The following LMX1B variants were observed in gnomAD, a reference collection of about 807,000 sequenced individuals.
LMX1B encodes LIM homeobox transcription factor 1-beta.
A neutral mutation model predicts 51.4 loss-of-function variants in LMX1B; 12 were observed. The observed-to-expected ratio is 0.23, with a 90% confidence interval of 0.15 to 0.38. The LOEUF (loss-of-function observed/expected upper bound fraction) is 0.38. LMX1B is among the 10% of genes least tolerant of loss of function. The pLI is 1.00. For synonymous variants in LMX1B, 237 were observed against 235.4 expected, an observed-to-expected ratio of 1.01 and a Z score of -0.06; for missense variants, 445 against 571.1, an observed-to-expected ratio of 0.78 and a Z score of 2.25.
chr9:126,659,488 C>G (rs1432300768), intron 2 of LMX1B, among the ~76,000 whole-genome samples: 1 of 152,276 alleles, frequency 6.6e-6, no homozygotes, highest in Non-Finnish European at 1.5e-5. Flanking sequence ...TCCAGCCTCT[C>G]CACACATTCT....
At chr9:126,664,313 A>T (rs1836299737) in intron 2 of LMX1B, among the ~76,000 whole-genome samples, 1 of 152,110 alleles carries the variant, frequency 6.6e-6, no homozygotes, top group Non-Finnish European at 1.5e-5. Flanking sequence ...TTTCGCCTGC[A>T]TAACTTGGAG....
intron 2 of LMX1B, among the ~76,000 whole-genome samples, chr9:126,682,889 T>C (rs1836700902): frequency 8.5e-6 from 1 of 117,642 alleles, no homozygotes; most frequent in Non-Finnish European, 1.8e-5. Context: ...AGAGGCACTC[T>C]GTCTGAAAAA....
chr9:126,685,915 G>A (rs1210834421), intron 2 of LMX1B, among the ~76,000 whole-genome samples: 1 of 152,106 alleles, frequency 6.6e-6, no homozygotes, highest in Non-Finnish European at 1.5e-5. Context: ...ATAGGGCTGG[G>A]ATTCCAAGCC....
chr9:126,621,618 C>T (rs1471626426), intron 2 of LMX1B, among the ~76,000 whole-genome samples: 1 of 149,354 alleles, frequency 6.7e-6, no homozygotes. Context: ...GATTTGGTTC[C>T]CCGGTGGCCT....
At chr9:126,684,746 AC>A (rs150447700) in intron 2 of LMX1B, among the ~76,000 whole-genome samples, 1 of 151,728 alleles carries the variant, frequency 6.6e-6, no homozygotes. Context: ...CAAACATGGT[AC>A]CCCCCGTGGT....
At chr9:126,617,474 A>G (rs1224602106) in intron 2 of LMX1B, among the ~76,000 whole-genome samples, 1 of 150,968 alleles carries the variant, frequency 6.6e-6, no homozygotes, top group African/African-American at 2.4e-5. Flanking sequence ...CCCCATAATT[A>G]TTTACGGAGC....
chr9:126,680,640 G>A (rs1371598751), intron 2 of LMX1B, among the ~76,000 whole-genome samples: 2 of 152,170 alleles, frequency 1.3e-5, no homozygotes, highest in African/African-American at 2.4e-5. Context: ...GAGCAGGTGG[G>A]AGGAGGAGGT....
intron 2 of LMX1B, among the ~76,000 whole-genome samples, chr9:126,628,741 T>C (rs1835578622): frequency 6.6e-6 from 1 of 152,192 alleles, no homozygotes; most frequent in Admixed American, 6.5e-5. Flanking sequence ...TGTTTTTCTT[T>C]TCCAGGAGAT....
Position 126,615,261 on chromosome 9 carries a change from G to A in LMX1B, c.140-122G>A. 2 of 528,724 alleles carry A rather than the reference G, an allele frequency of 3.8e-6. No individual in the cohort carries two copies. Among genetic ancestry groups the A allele is most frequent in the Non-Finnish European group, 5.3e-6 (2 of 374,170 alleles). The allele number at this position is 528,724 out of a possible 1,614,324, so 32.8% of individuals were successfully genotyped here. A position where few individuals can be genotyped will look rare whatever the true frequency, so the allele number is the denominator to read the frequency against. ...CGCGGCGGTCCGGGGAGCGCAGGCG[G>A]CAGGCGGTGATCCCGGGCGGCCCGA... On this transcript the variant is annotated intron_variant, in intron 1 of 7. Coordinates refer to ENST00000373474, the MANE Select transcript of LMX1B (RefSeq NM_001174147.2). This position sits in a 1 kb window ranked among gnomAD's most constrained non-coding sequence, Gnocchi z 6.0.
chr9:126,629,020 T>C (rs1835586050), intron 2 of LMX1B, among the ~76,000 whole-genome samples: 2 of 151,982 alleles, frequency 1.3e-5, no homozygotes, highest in Non-Finnish European at 2.9e-5. Context: ...GGGGTTCCCC[T>C]TTCTATAGCA....
At chr9:126,661,127 C>G (rs1836234263) in intron 2 of LMX1B, among the ~76,000 whole-genome samples, 1 of 152,194 alleles carries the variant, frequency 6.6e-6, no homozygotes, top group Admixed American at 6.5e-5. Flanking sequence ...GTAGACACGC[C>G]CATACACAGG....
intron 2 of LMX1B, among the ~76,000 whole-genome samples, chr9:126,651,297 T>TTG (rs1554724744): frequency 1.9e-5 from 2 of 107,938 alleles, no homozygotes; most frequent in South Asian, 7.3e-4. Flanking sequence ...AAGGAGGGAC[T>TTG]GGGGGGGGTG....
At position 126,673,275 on chromosome 9, in the gene LMX1B, C is replaced by A. The variant is rs1484039354; in HGVS notation, c.327-17561C>A. ...ACCTAGGGAAAGGGCATTGAGGGGACCTGTCAGAGTGAATGGGGAGCCACC... is the reference window on the plus strand; with the variant it reads ...ACCTAGGGAAAGGGCATTGAGGGGAACTGTCAGAGTGAATGGGGAGCCACC... On this transcript the variant is annotated intron_variant, in intron 2 of 7. Coordinates refer to ENST00000373474, the MANE Select transcript of LMX1B (RefSeq NM_001174147.2). This position sits in a 1 kb window ranked among gnomAD's most constrained non-coding sequence, Gnocchi z 4.4. 6.6e-6 allele frequency among the ~76,000 whole-genome samples: 1 copy of A among 152,084 alleles called. No individual in the cohort carries two copies. The highest frequency in any genetic ancestry group is 1.5e-5 in the Non-Finnish European group (1 of 68,006).
In LMX1B at chr9:126,615,822, C is replaced by T. The variant is rs976909507; in HGVS notation, c.326+253C>T. Among the ~76,000 whole-genome samples the T allele has an allele frequency of 7.2e-5, 11 of 152,216 alleles. No homozygotes were observed. Among genetic ancestry groups the T allele is most frequent in the Non-Finnish European group, 1.0e-4 (7 of 68,034 alleles). ...GTTGTCCCGGAATCCTGCGCTGGGC[C>T]GGCCGAGGGATTTGGTGCCTGGGTC... On this transcript the variant is annotated intron_variant, in intron 2 of 7. Coordinates refer to ENST00000373474, the MANE Select transcript of LMX1B (RefSeq NM_001174147.2). The surrounding 1 kb of genome is among the most constrained non-coding windows in gnomAD (Gnocchi z 6.0).
chr9:126,672,761 G>A (rs892679876), intron 2 of LMX1B, among the ~76,000 whole-genome samples: 1 of 152,218 alleles, frequency 6.6e-6, no homozygotes, highest in African/African-American at 2.4e-5. Context: ...GCCTTAGGGA[G>A]GGGGGCGCAC....
chr9:126,696,318 T>G lies in LMX1B; in HGVS notation c.1076T>G (p.Ile359Ser). ...PYGNDSIFHD[I>S]DSDTSLTSLS... ...GGGAACGACTCCATCTTCCATGACATCGACAGCGATACCTCCTTAACCAGC... is the reference window on the plus strand; with the variant it reads ...GGGAACGACTCCATCTTCCATGACAGCGACAGCGATACCTCCTTAACCAGC... Residue 359 changes from isoleucine to serine, a missense_variant, in exon 8 of 8, where the codon ATC (isoleucine) becomes AGC (serine). This residue lies in a region of LMX1B where 162 missense variants were observed against 187.8 expected (regional missense o/e 0.86). Transcript: ENST00000373474. 1 of 1,614,032 alleles carries G rather than the reference T, an allele frequency of 6.2e-7. No homozygotes were observed. The highest frequency in any genetic ancestry group is 8.5e-7 in the Non-Finnish European group (1 of 1,179,978).
At chr9:126,675,306 G>C (rs545113452) in intron 2 of LMX1B, among the ~76,000 whole-genome samples, 1 of 152,314 alleles carries the variant, frequency 6.6e-6, no homozygotes, top group African/African-American at 2.4e-5. Flanking sequence ...ATTGCCTCTG[G>C]GGAGGGGACC....
chr9:126,638,733 T>C (rs1221423482), intron 2 of LMX1B, among the ~76,000 whole-genome samples: 1 of 151,864 alleles, frequency 6.6e-6, no homozygotes, highest in African/African-American at 2.4e-5. Context: ...CGGAGCGCGC[T>C]CCGATCTCTC....
intron 2 of LMX1B, among the ~76,000 whole-genome samples, chr9:126,634,162 C>T (rs1255428509): frequency 6.6e-6 from 1 of 152,168 alleles, no homozygotes; most frequent in Non-Finnish European, 1.5e-5. Context: ...ATAGTCCCAG[C>T]CTGGCCTGCC....
Sources: gnomAD v4.1 joint callset for allele counts (sites outside exome capture counted in the v4.1 genomes callset) on GRCh38, gnomAD v4.1.1 for gene constraint, gnomAD v4.1.1 regional missense constraint, Gnocchi (gnomAD v3.1) non-coding constraint, MANE v1.5 for transcripts, NCBI Gene and HGNC (gene_info 2026-07-23, HGNC 2026-07-21) for gene names.